The following COL5A1 variants were observed in gnomAD, a reference collection of about 807,000 sequenced individuals.
COL5A1 encodes collagen alpha-1(V) chain.
A neutral mutation model predicts 263.7 loss-of-function variants in COL5A1; 16 were observed. That is an observed-to-expected ratio of 0.06 (90% CI 0.04 to 0.09). COL5A1 has a LOEUF of 0.09. COL5A1 is among the 10% of genes least tolerant of loss of function. The probability of loss-of-function intolerance (pLI) is 1.00; values close to 1 mark genes in which losing one functional copy is unlikely to be tolerated. For synonymous variants in COL5A1, 1,012 were observed against 1,004.5 expected (o/e 1.01, Z -0.14); for missense variants, 2,036 against 2,540.5 (o/e 0.80, Z 4.27).
intron 65 of COL5A1, among the ~76,000 whole-genome samples, chr9:134,835,717 G>A (rs944704572): frequency 1.3e-5 from 2 of 152,228 alleles, no homozygotes; most frequent in African/African-American, 4.8e-5. Flanking sequence ...AGGGAATGGA[G>A]GCCGGAGCGG....
chr9:134,775,759 A>T (rs1368938169), intron 27 of COL5A1, among the ~76,000 whole-genome samples: 1 of 152,204 alleles, frequency 6.6e-6, no homozygotes, highest in Non-Finnish European at 1.5e-5. Context: ...ATATGTGTGT[A>T]TATATAGCAA....
intron 37 of COL5A1, 129 bp from the exon 38 acceptor site, chr9:134,801,825 T>C: frequency 1.2e-6 from 1 of 838,268 alleles, no homozygotes. Flanking sequence ...ATGGGCCTCT[T>C]ACACAAAGTC....
rs1834024301 is a variant in COL5A1, at chr9:134,710,994, T to G, written c.654+9661T>G. ...GTGGTGGGGGAGGGGCCCCGTTTGT[T>G]GGGTGCAGTGGTGGAGAGGCCCGTT... On this transcript the variant is annotated intron_variant, in intron 4 of 65. Transcript: ENST00000371817. Among the ~76,000 whole-genome samples, 6 of 122,034 alleles carry G rather than the reference T, an allele frequency of 4.9e-5. 1 individual carries two copies. The South Asian group carries it at 1.5e-3, about 31-fold the overall frequency. 80.1% of individuals were successfully genotyped at this position (122,034 alleles called of 152,430 possible).
chr9:134,822,988 C>G lies in COL5A1; in HGVS notation c.4609-10C>G, dbSNP rs1459550191. 2 of 1,614,116 alleles carry G rather than the reference C, an allele frequency of 1.2e-6. No homozygotes were observed. The highest frequency in any genetic ancestry group is 2.2e-5 in the East Asian group (1 of 44,872). ...CGGCTTGCTGACGTTCTGCCCTCCT[C>G]TCTCTGCAGGGTCCGCCTGGTCCAA... On this transcript the variant is annotated splice_polypyrimidine_tract_variant and intron_variant, in intron 59 of 65. Coordinates refer to ENST00000371817, the MANE Select transcript of COL5A1 (RefSeq NM_000093.5).
At chr9:134,744,514 C>G in intron 11 of COL5A1, among the ~76,000 whole-genome samples, 1 of 151,900 alleles carries the variant, frequency 6.6e-6, no homozygotes, top group South Asian at 2.1e-4. Context: ...CACACTCATG[C>G]ACACCCCCAT....
rs542038024 is a variant in COL5A1 at position 134,648,107 on chromosome 9, C to T, written c.109+5811C>T. On this transcript the variant is annotated intron_variant, in intron 1 of 65. Coordinates refer to ENST00000371817, the MANE Select transcript of COL5A1 (RefSeq NM_000093.5). The stretch of plus-strand genomic sequence containing the variant: ...GAGCAGGCAGAAAAACATGAAGAGA[C>T]GAGACTGGCCCAGCCTCCCAGCCTA... Among the ~76,000 whole-genome samples, 10 of 151,790 alleles carry T rather than the reference C, an allele frequency of 6.6e-5. No homozygotes were observed. In the South Asian group the frequency reaches 8.3e-4, roughly 13 times the overall value.
In COL5A1 at chr9:134,757,791, A is replaced by C. The variant is rs1376385568; in HGVS notation, c.1882-452A>C. On this transcript the variant is annotated intron_variant, in intron 17 of 65. Transcript: ENST00000371817. This position sits in a 1 kb window ranked among gnomAD's most constrained non-coding sequence, Gnocchi z 6.2. ...AGAGCCAGGATGCCTGAGGGTAGCC[A>C]GTGCTGGCCCGTCCACCAATGGGTA... 6.6e-6 allele frequency among the ~76,000 whole-genome samples: 1 copy of C among 152,184 alleles called. No homozygotes were observed. The highest frequency in any genetic ancestry group is 1.5e-5 in the Non-Finnish European group (1 of 68,020).
chr9:134,748,216 C>T (rs1004414247), intron 11 of COL5A1, among the ~76,000 whole-genome samples: 1 of 151,422 alleles, frequency 6.6e-6, no homozygotes, highest in African/African-American at 2.4e-5. Flanking sequence ...ACACCCCATG[C>T]ATTCATATGC....
Position 134,682,175 on chromosome 9 carries a change from G to C in COL5A1, c.110-8737G>C, listed in dbSNP as rs2132532626. Among the ~76,000 whole-genome samples the C allele has an allele frequency of 6.6e-6, 1 of 152,194 alleles. No homozygotes were observed. The highest frequency in any genetic ancestry group is 1.9e-4 in the East Asian group (1 of 5,168). ...GCCGGGGAGCTTTAAGGGCCAGGCA[G>C]AAATGCTGCCCTGTTCGGGCTGGGG... On this transcript the variant is annotated intron_variant, in intron 1 of 65. Coordinates refer to ENST00000371817, the MANE Select transcript of COL5A1 (RefSeq NM_000093.5). The surrounding 1 kb of genome is among the most constrained non-coding windows in gnomAD (Gnocchi z 5.1).
rs1434373159 is a variant in COL5A1, at chr9:134,761,930, C to T, written c.1941C>T (p.Asp647=). 3 of 1,613,548 alleles carry T rather than the reference C, an allele frequency of 1.9e-6. No individual in the cohort carries two copies. In the South Asian group the frequency reaches 3.3e-5, roughly 18 times the overall value. ...GLPGEKGHRG[D]PGPSGPPGPP... ...TTGACCCTTTCACTTCCTAGGGTGA[C>T]CCTGGTCCTTCCGGCCCACCAGGAC... is the stretch of plus-strand genomic sequence containing the variant. Residue 647 remains aspartate (D), a synonymous_variant, in exon 19 of 66, where the codon GAC becomes GAT. Coordinates refer to ENST00000371817, the MANE Select transcript of COL5A1 (RefSeq NM_000093.5).
At chr9:134,749,459 C>A (rs1368847537) in intron 11 of COL5A1, among the ~76,000 whole-genome samples, 5 of 152,196 alleles carry the variant, frequency 3.3e-5, no homozygotes. Context: ...CAAAAAGCAA[C>A]CAGTAAAGAC....
Position 134,681,186 on chromosome 9 carries a change from GC to G in COL5A1, c.110-9723del, listed in dbSNP as rs1832846508. Among the ~76,000 whole-genome samples the G allele has an allele frequency of 1.3e-5, 2 of 152,210 alleles. No individual in the cohort carries two copies. The highest frequency in any genetic ancestry group is 6.5e-5 in the Admixed American group (1 of 15,288). On this transcript the variant is annotated intron_variant, in intron 1 of 65. Transcript: ENST00000371817. The surrounding 1 kb of genome is among the most constrained non-coding windows in gnomAD (Gnocchi z 4.3). Reference sequence around the variant, plus strand: ...GGAGGGCTGGGGTGGGGGGGCCTCAGCCCTGGGCCAGACCCTCCCTGGTGGC... The same window carrying G: ...GGAGGGCTGGGGTGGGGGGGCCTCAGCCTGGGCCAGACCCTCCCTGGTGGC...
intron 9 of COL5A1, chr9:134,732,432 G>A: frequency 1.8e-6 from 1 of 552,352 alleles, no homozygotes; most frequent in African/African-American, 1.9e-5. Context: ...ATGAAAAGCA[G>A]CTCAGAGCTA....
intron 37 of COL5A1, among the ~76,000 whole-genome samples, chr9:134,800,534 C>T (rs1012904947): frequency 1.3e-5 from 2 of 152,124 alleles, no homozygotes; most frequent in Non-Finnish European, 2.9e-5. Context: ...CACCTGAGGT[C>T]GGGAGTTTGA....
At chr9:134,833,147 A>G (rs557448563) in intron 64 of COL5A1, among the ~76,000 whole-genome samples, 9 of 152,336 alleles carry the variant, frequency 5.9e-5, no homozygotes, top group African/African-American at 2.2e-4. Flanking sequence ...CCTTCCCTGC[A>G]GAGAGGGTCC....
At chr9:134,745,482 A>G (rs1835477109) in intron 11 of COL5A1, among the ~76,000 whole-genome samples, 1 of 152,142 alleles carries the variant, frequency 6.6e-6, no homozygotes, top group Admixed American at 6.5e-5. Flanking sequence ...TCTTACCCAG[A>G]GCCCCGATTA....
chr9:134,796,598 C>A (rs1361317285), intron 35 of COL5A1, among the ~76,000 whole-genome samples, 180 bp downstream of exon 35: 5 of 152,174 alleles, frequency 3.3e-5, no homozygotes, highest in African/African-American at 1.2e-4. Flanking sequence ...TTCCGTAGGT[C>A]AGGGGCCTCG....
chr9:134,644,991 A>G (rs1831428445), intron 1 of COL5A1, among the ~76,000 whole-genome samples: 1 of 152,024 alleles, frequency 6.6e-6, no homozygotes, highest in South Asian at 2.1e-4. Context: ...CCCTCTCCCC[A>G]TAAAAGAGCA....
chr9:134,792,018 C>A (rs751041627), intron 32 of COL5A1, among the ~76,000 whole-genome samples: 1 of 152,174 alleles, frequency 6.6e-6, no homozygotes, highest in Non-Finnish European at 1.5e-5. Context: ...GGAGCAGTGA[C>A]ATTTTTGCTG....
Sources: gnomAD v4.1 joint callset for allele counts (sites outside exome capture counted in the v4.1 genomes callset) on GRCh38, gnomAD v4.1.1 for gene constraint, Gnocchi (gnomAD v3.1) non-coding constraint, MANE v1.5 for transcripts, NCBI Gene and HGNC (gene_info 2026-07-23, HGNC 2026-07-21) for gene names.